CLUL1: variants seen among roughly 807,000 people sequenced by gnomAD.
The protein encoded by CLUL1 is clusterin like 1.
Under a neutral mutation model 49.4 loss-of-function variants are expected in CLUL1, and 43 were observed. The ratio of observed to expected loss-of-function variants is 0.87; its 90% CI spans 0.68 to 1.12. The LOEUF is 1.12. Among genes scored for constraint, CLUL1 ranks in the 50% most tolerant of loss-of-function variants. The pLI is 0.00. For synonymous variants in CLUL1, 192 were observed against 184.9 expected, an observed-to-expected ratio of 1.04 and a Z score of -0.31; for missense variants, 486 against 544.4, an observed-to-expected ratio of 0.89 and a Z score of 1.07.
chr18:649,879 C>CT lies in CLUL1; in HGVS notation c.1398-4dup, dbSNP rs34918478. The CT allele has an allele frequency of 0.072, 81,800 of 1,128,848 alleles. 21 individuals are homozygous for CT. The highest frequency in any genetic ancestry group is 0.086 in the South Asian group (5,896 of 68,512). 69.9% of individuals were successfully genotyped at this position (1,128,848 alleles called of 1,614,324 possible). ...TTATTAGTATTTTGATCATTGCTGC[C>CT]TTTTTTTTTTTTTTTAAGGTAAGAA... On this transcript the variant is annotated intron_variant, in intron 9 of 9. Coordinates refer to ENST00000692774, the MANE Select transcript of CLUL1 (RefSeq NM_001393344.1).
In CLUL1 at chr18:598,826, C is replaced by T. The variant is rs544011091; in HGVS notation, c.-136+1697C>T. 1.6e-3 allele frequency among the ~76,000 whole-genome samples: 236 copies of T among 152,128 alleles called. 4 individuals are homozygous for T. In the South Asian group the frequency reaches 0.026, roughly 17 times the overall value. ...TTTTCCGGACTTAAAAAAAAAGCACCCCCTCTTTCTTTTTTTCAGAAGGCA... is the reference window on the plus strand; with the variant it reads ...TTTTCCGGACTTAAAAAAAAAGCACTCCCTCTTTCTTTTTTTCAGAAGGCA... On this transcript the variant is annotated intron_variant, in intron 1 of 9. Coordinates refer to ENST00000692774, the MANE Select transcript of CLUL1 (RefSeq NM_001393344.1).
chr18:619,454 T>C, intron 4 of CLUL1, 93 bp downstream of exon 4: 1 of 1,189,928 alleles, frequency 8.4e-7, no homozygotes, highest in South Asian at 2.0e-5. Flanking sequence ...TTATTTTCCT[T>C]AGTAATAAAT....
chr18:624,581 C>T (rs1054784861), intron 4 of CLUL1, among the ~76,000 whole-genome samples: 2 of 152,046 alleles, frequency 1.3e-5, no homozygotes, highest in African/African-American at 4.8e-5. Flanking sequence ...GTCAGGTCAC[C>T]CACACCTAGA....
At chr18:640,763 T>C (rs2925479) in intron 7 of CLUL1, among the ~76,000 whole-genome samples, 18 of 152,364 alleles carry the variant, frequency 1.2e-4, no homozygotes, top group Admixed American at 3.3e-4. Context: ...TGATTTACTT[T>C]GTTCTAATAC....
intron 2 of CLUL1, among the ~76,000 whole-genome samples, chr18:613,494 G>A (rs563937614): frequency 7.0e-6 from 1 of 142,912 alleles, no homozygotes; most frequent in Non-Finnish European, 1.5e-5. Flanking sequence ...TCGCTCTGTT[G>A]CCCAGGCTGG....
intron 2 of CLUL1, among the ~76,000 whole-genome samples, chr18:610,713 G>A (rs79400759): frequency 0.04 from 6,055 of 152,180 alleles, 147 homozygotes; most frequent in Non-Finnish European, 0.059. Context: ...CACATAGTAC[G>A]TAGTAGACAC....
chr18:627,104 G>A lies in CLUL1; in HGVS notation c.431G>A (p.Arg144Gln), dbSNP rs369234574. 1.9e-6 allele frequency: 3 copies of A among 1,606,570 alleles called. No individual in the cohort carries two copies. The highest frequency in any genetic ancestry group is 2.6e-6 in the Non-Finnish European group (3 of 1,174,166). ...SWSSVKNKIE[R>Q]FFRKIYQFLF... is the part of the protein sequence containing the mutation. The stretch of plus-strand genomic sequence containing the variant: ...CCCTACTCTACTCCACAGATTGAAC[G>A]GTTTTTCAGGAAGATATATCAATTT... The change falls in exon 6 of 10, where the codon CGG (arginine) becomes CAG (glutamine). Residue 144 changes from arginine (R) to glutamine (Q), a missense_variant. Arg to Gln is a conservative substitution (Grantham distance 43). Coordinates refer to ENST00000692774, the MANE Select transcript of CLUL1 (RefSeq NM_001393344.1).
At chr18:637,878 G>A (rs1284829393) in intron 7 of CLUL1, among the ~76,000 whole-genome samples, 1 of 152,068 alleles carries the variant, frequency 6.6e-6, no homozygotes, top group Non-Finnish European at 1.5e-5. Flanking sequence ...GGAGGCTGAG[G>A]CAAGAGAATT....
rs35329822 is a variant in CLUL1 at position 645,810 on chromosome 18, AATATATATAT to A, written c.1397+746_1397+755del. On this transcript the variant is annotated intron_variant, in intron 9 of 9. Transcript: ENST00000692774. ...CTCTGTTTAAAAAAAAAAAAAAAAAAATATATATATATATATATATATATATATATATATA... is the reference window on the plus strand; with the variant it reads ...CTCTGTTTAAAAAAAAAAAAAAAAAAATATATATATATATATATATATATA... Among the ~76,000 whole-genome samples, 94 of 29,846 alleles carry A rather than the reference AATATATATAT, an allele frequency of 3.1e-3. 1 individual carries two copies. Among genetic ancestry groups the A allele is most frequent in the South Asian group, 0.018 (12 of 682 alleles). The allele number at this position is 29,846 out of a possible 152,430, so 19.6% of individuals were successfully genotyped here. A position where few individuals can be genotyped will look rare whatever the true frequency, so the allele number is the denominator to read the frequency against.
chr18:633,660 G>A (rs971906781), intron 7 of CLUL1, among the ~76,000 whole-genome samples: 1 of 152,026 alleles, frequency 6.6e-6, no homozygotes, highest in Non-Finnish European at 1.5e-5. Flanking sequence ...GACAACGCAC[G>A]TGGCCCCTGC....
chr18:638,126 A>G (rs2074210737), intron 7 of CLUL1, among the ~76,000 whole-genome samples: 1 of 152,254 alleles, frequency 6.6e-6, no homozygotes, highest in African/African-American at 2.4e-5. Context: ...TAGAAGTTTA[A>G]ATAAAATGTC....
chr18:633,486 T>C, intron 7 of CLUL1, 51 bp downstream of exon 7: 2 of 1,524,034 alleles, frequency 1.3e-6, no homozygotes, highest in Non-Finnish European at 1.8e-6. Context: ...CTCAGGTACA[T>C]TTTGTTATAA....
intron 6 of CLUL1, among the ~76,000 whole-genome samples, chr18:630,057 G>A (rs527880563): frequency 6.6e-4 from 100 of 152,220 alleles, no homozygotes; most frequent in African/African-American, 2.2e-3. Context: ...ATGTGGCAAA[G>A]GGAAAGTAAG....
intron 9 of CLUL1, among the ~76,000 whole-genome samples, chr18:648,245 T>G (rs2144224508): frequency 6.6e-6 from 1 of 152,314 alleles, no homozygotes; most frequent in South Asian, 2.1e-4. Flanking sequence ...TCCCATAAAG[T>G]CATCTATCTC....
In CLUL1 at chr18:614,315, GAGGGAGGGAAGGA is replaced by G. The variant is rs1418134926; in HGVS notation, c.-13-3656_-13-3644del. On this transcript the variant is annotated intron_variant, in intron 2 of 9. Coordinates refer to ENST00000692774, the MANE Select transcript of CLUL1 (RefSeq NM_001393344.1). ...GAAAGAAGGAAGGGAGGAAGGAAGG[GAGGGAGGGAAGGA>G]AGGGAGGGAAGGAAGGAAGGAAAGA... Among the ~76,000 whole-genome samples the G allele has an allele frequency of 1.2e-4, 17 of 136,496 alleles. No homozygotes were observed. The East Asian group carries it at 2.0e-3, about 16-fold the overall frequency. The allele number at this position is 136,496 out of a possible 152,430, so 89.5% of individuals were successfully genotyped here. A position where few individuals can be genotyped will look rare whatever the true frequency, so the allele number is the denominator to read the frequency against.
intron 7 of CLUL1, among the ~76,000 whole-genome samples, chr18:639,430 C>CAAAA (rs11357641): frequency 1.4e-5 from 1 of 71,946 alleles, no homozygotes; most frequent in Non-Finnish European, 2.4e-5. Context: ...GACTCCATCT[C>CAAAA]AAAAAAAAAA....
chr18:601,423 C>T (rs898765473), intron 1 of CLUL1, among the ~76,000 whole-genome samples: 1 of 151,610 alleles, frequency 6.6e-6, no homozygotes, highest in Non-Finnish European at 1.5e-5. Flanking sequence ...TGGTTGGATC[C>T]CTTGGGATCA....
rs2074485937 is a variant in CLUL1, at chr18:645,813, ATATATATATATATATATAT to A, written c.1397+717_1397+735del. Reference sequence around the variant, plus strand: ...TGTTTAAAAAAAAAAAAAAAAAAATATATATATATATATATATATATATATATATATATATATATGTTAA... The same window carrying A: ...TGTTTAAAAAAAAAAAAAAAAAAATAATATATATATATATATATATGTTAA... On this transcript the variant is annotated intron_variant, in intron 9 of 9. Coordinates refer to ENST00000692774, the MANE Select transcript of CLUL1 (RefSeq NM_001393344.1). Among the ~76,000 whole-genome samples, 311 of 57,054 alleles carry A rather than the reference ATATATATATATATATATAT, an allele frequency of 5.5e-3. 44 individuals carry two copies. The highest frequency in any genetic ancestry group is 7.2e-3 in the Non-Finnish European group (219 of 30,398). The allele number at this position is 57,054 out of a possible 152,430, so 37.4% of individuals were successfully genotyped here. A position where few individuals can be genotyped will look rare whatever the true frequency, so the allele number is the denominator to read the frequency against.
rs72865419 is a variant in CLUL1, at chr18:597,146, G to A, written c.-136+17G>A. 15,531 of 152,888 alleles carry A rather than the reference G, an allele frequency of 0.1. 813 individuals are homozygous for A. The highest frequency in any genetic ancestry group is 0.18 in the Middle Eastern group (54 of 292). 9.5% of individuals were successfully genotyped at this position (152,888 alleles called of 1,614,324 possible). A position where few individuals can be genotyped will look rare whatever the true frequency, so the allele number is the denominator to read the frequency against. ...GAATGACAGGTGAGAACATCCTCCG[G>A]GCCCCAGATTTCTCTCCTCGCCGCT... On this transcript the variant is annotated intron_variant, in intron 1 of 9. Transcript: ENST00000692774.
Sources: allele counts gnomAD v4.1 joint callset (sites outside exome capture counted in the v4.1 genomes callset), GRCh38; gene constraint gnomAD v4.1.1; transcripts MANE v1.5; gene names NCBI Gene and HGNC (gene_info 2026-07-23, HGNC 2026-07-21).